The following LRMDA variants were observed in gnomAD, a reference collection of about 807,000 sequenced individuals.
LRMDA encodes the protein leucine-rich melanocyte differentiation-associated protein.
Under a neutral mutation model 29.8 loss-of-function variants are expected in LRMDA, and 18 were observed. The observed-to-expected ratio is 0.60, with a 90% confidence interval of 0.42 to 0.90. The LOEUF (loss-of-function observed/expected upper bound fraction) is 0.90, where lower values mean the gene tolerates loss of function less well. Ranked by LOEUF, LRMDA falls within the 40% of genes least tolerant of loss-of-function variation. LRMDA has a pLI of 0.00. For missense variants in LRMDA, 273 were observed against 273.9 expected (o/e 1.00, Z 0.02); for synonymous variants, 125 against 109.4 (o/e 1.14, Z -0.89).
At chr10:75,663,851 G>C (rs1841786189) in intron 2 of LRMDA, among the ~76,000 whole-genome samples, 1 of 152,142 alleles carries the variant, frequency 6.6e-6, no homozygotes, top group East Asian at 1.9e-4. Context: ...TCCTAAAATG[G>C]ATGGGTTCCA....
intron 6 of LRMDA, among the ~76,000 whole-genome samples, chr10:76,444,754 G>A (rs540133098): frequency 1.9e-4 from 29 of 152,208 alleles, no homozygotes; most frequent in African/African-American, 6.5e-4. Flanking sequence ...TCTCTAAAAT[G>A]CTTAGGCCAG....
intron 2 of LRMDA, among the ~76,000 whole-genome samples, chr10:75,759,787 C>G (rs1327235647): frequency 6.6e-6 from 1 of 151,878 alleles, no homozygotes; most frequent in African/African-American, 2.4e-5. Flanking sequence ...ATTTTTTTCT[C>G]CTTAAAAATC....
rs1850027958 is a variant in LRMDA at position 76,133,076 on chromosome 10, C to A, written c.516+74293C>A. On this transcript the variant is annotated intron_variant, in intron 5 of 6. Coordinates refer to ENST00000611255, the MANE Select transcript of LRMDA (RefSeq NM_001305581.2). ...GACCTCGTGATCCGCCCGCCTCAGC[C>A]TCCCAAAGTGCTGGGATTACAAGCG... Among the ~76,000 whole-genome samples, 6 of 150,212 alleles carry A rather than the reference C, an allele frequency of 4.0e-5. No individual in the cohort carries two copies. In the Admixed American group the frequency reaches 4.0e-4, roughly 10 times the overall value.
At chr10:76,553,810 C>A (rs1035485708) in intron 6 of LRMDA, among the ~76,000 whole-genome samples, 2 of 152,006 alleles carry the variant, frequency 1.3e-5, no homozygotes, top group Admixed American at 1.3e-4. Flanking sequence ...CAATTTCAGC[C>A]GATTCTTAGC....
At chr10:75,695,551 T>G (rs756990469) in intron 2 of LRMDA, among the ~76,000 whole-genome samples, 17 of 152,228 alleles carry the variant, frequency 1.1e-4, no homozygotes, top group Middle Eastern at 6.8e-3. Flanking sequence ...TCATCCCTTA[T>G]AGCTGTATCT....
At chr10:76,427,112 TTAAAG>T (rs1450954444) in intron 6 of LRMDA, among the ~76,000 whole-genome samples, 1 of 152,174 alleles carries the variant, frequency 6.6e-6, no homozygotes, top group Non-Finnish European at 1.5e-5. Flanking sequence ...CATATGAACT[TTAAAG>T]TAGTTTTTTC....
intron 2 of LRMDA, among the ~76,000 whole-genome samples, chr10:75,531,091 TG>T (rs1195329949): frequency 2.0e-5 from 3 of 152,222 alleles, no homozygotes; most frequent in Non-Finnish European, 4.4e-5. Context: ...GCATGTCTCT[TG>T]AGTGTCTGTG....
intron 2 of LRMDA, among the ~76,000 whole-genome samples, chr10:75,761,794 G>GTTTTTTTTTTTTTTTTTTTTTTTTTTTT (rs796289608): frequency 1.6e-5 from 2 of 121,712 alleles, no homozygotes. Context: ...GTATACTTTT[G>GTTTTTTTTTTTTTTTTTTTTTTTTTTTT]TTTTTTTTTT....
intron 6 of LRMDA, among the ~76,000 whole-genome samples, chr10:76,368,349 GT>G (rs1841416031): frequency 6.6e-6 from 1 of 151,944 alleles, no homozygotes; most frequent in Non-Finnish European, 1.5e-5. Flanking sequence ...TTTTGATTTC[GT>G]TTTTGACCCA....
At chr10:75,757,742 A>G (rs1843049677) in intron 2 of LRMDA, among the ~76,000 whole-genome samples, 1 of 151,888 alleles carries the variant, frequency 6.6e-6, no homozygotes, top group Non-Finnish European at 1.5e-5. Context: ...TTTAAATCAG[A>G]CCACTTTACT....
At chr10:75,463,232 C>T (rs1844608775) in intron 2 of LRMDA, among the ~76,000 whole-genome samples, 1 of 152,140 alleles carries the variant, frequency 6.6e-6, no homozygotes, top group African/African-American at 2.4e-5. Flanking sequence ...GGGTGCTTTC[C>T]AAACTTGAGC....
In LRMDA at chr10:75,493,151, G is replaced by A. The variant is rs558851688; in HGVS notation, c.131+54657G>A. Reference sequence around the variant, plus strand: ...TTTGCATATCTCGGGGCTGACTGCTGTGAGTTTAAGATTAATAATGGACAG... The same window carrying A: ...TTTGCATATCTCGGGGCTGACTGCTATGAGTTTAAGATTAATAATGGACAG... On this transcript the variant is annotated intron_variant, in intron 2 of 6. Coordinates refer to ENST00000611255, the MANE Select transcript of LRMDA (RefSeq NM_001305581.2). Among the ~76,000 whole-genome samples, 4 of 152,238 alleles carry A rather than the reference G, an allele frequency of 2.6e-5. No individual in the cohort carries two copies. In the South Asian group the frequency reaches 8.3e-4, roughly 32 times the overall value.
intron 6 of LRMDA, among the ~76,000 whole-genome samples, chr10:76,471,700 A>G (rs1429533990): frequency 1.3e-5 from 2 of 151,846 alleles, no homozygotes; most frequent in Non-Finnish European, 3.0e-5. Context: ...TCAAAGATAC[A>G]GATAGTTTGA....
chr10:75,878,970 T>C (rs1279119772), intron 2 of LRMDA, among the ~76,000 whole-genome samples: 1 of 152,178 alleles, frequency 6.6e-6, no homozygotes, highest in Non-Finnish European at 1.5e-5. Flanking sequence ...CTTGGCCCCT[T>C]CCAAACTCAG....
At chr10:76,190,070 G>C (rs1475821358) in intron 5 of LRMDA, among the ~76,000 whole-genome samples, 1 of 152,172 alleles carries the variant, frequency 6.6e-6, no homozygotes, top group Non-Finnish European at 1.5e-5. Flanking sequence ...CAATCTTGGG[G>C]AGACTGTCAC....
At chr10:76,292,110 G>T (rs570047915) in intron 5 of LRMDA, among the ~76,000 whole-genome samples, 1 of 152,310 alleles carries the variant, frequency 6.6e-6, no homozygotes, top group East Asian at 1.9e-4. Context: ...AAATTATCTG[G>T]TGCAGGCCAA....
intron 2 of LRMDA, among the ~76,000 whole-genome samples, chr10:75,550,857 A>G (rs910071441): frequency 2.0e-5 from 3 of 152,064 alleles, no homozygotes; most frequent in African/African-American, 4.8e-5. Context: ...GGTGTACAGT[A>G]TATATATTTA....
intron 2 of LRMDA, among the ~76,000 whole-genome samples, chr10:75,581,795 G>A (rs1301278833): frequency 1.3e-5 from 2 of 151,842 alleles, no homozygotes; most frequent in Non-Finnish European, 2.9e-5. Flanking sequence ...GGGGTGGGGG[G>A]CTAGGGGAGG....
At chr10:75,932,426 A>G (rs77434148) in intron 2 of LRMDA, among the ~76,000 whole-genome samples, 5,673 of 152,238 alleles carry the variant, frequency 0.037, 356 homozygotes, top group African/African-American at 0.13. Context: ...CAGCCTGGCA[A>G]CATGGGGAGA....
Sources: gnomAD v4.1 joint callset for allele counts (sites outside exome capture counted in the v4.1 genomes callset) on GRCh38, gnomAD v4.1.1 for gene constraint, MANE v1.5 for transcripts, NCBI Gene and HGNC (gene_info 2026-07-23, HGNC 2026-07-21) for gene names.